Variants in CEP350 observed in about 807,000 individuals in gnomAD.
CEP350 encodes the protein centrosomal protein 350, also known as centrosome-associated protein 350.
CEP350 carries 126 observed loss-of-function variants against 331.8 expected under a neutral mutation model. The observed-to-expected ratio is 0.38, with a 90% CI of 0.33 to 0.44. CEP350 has a LOEUF of 0.44. Ranked by LOEUF, CEP350 falls within the 20% of genes least tolerant of loss-of-function variation. CEP350 has a pLI of 1.00. For synonymous variants in CEP350, 1,200 were observed against 1,259.5 expected (o/e 0.95, Z 1.00); for missense variants, 3,406 against 3,634.6 (o/e 0.94, Z 1.62).
chr1:180,039,794 A>T lies in CEP350; in HGVS notation c.4111-1344A>T, dbSNP rs549717255. On this transcript the variant is annotated intron_variant, in intron 17 of 37. Coordinates refer to ENST00000367607, the MANE Select transcript of CEP350 (RefSeq NM_014810.5). Reference sequence around the variant, plus strand: ...TTAGAATCAGTTTGTTAGTTTCAACAACAACAACAACAAAAAGCCTGGTAG... The same window carrying T: ...TTAGAATCAGTTTGTTAGTTTCAACTACAACAACAACAAAAAGCCTGGTAG... 2.0e-5 allele frequency among the ~76,000 whole-genome samples: 3 copies of T among 152,220 alleles called. No individual in the cohort carries two copies. The South Asian group carries it at 6.2e-4, about 32-fold the overall frequency.
At chr1:180,034,227 G>A in intron 16 of CEP350, 145 bp downstream of exon 16, 2 of 1,102,746 alleles carry the variant, frequency 1.8e-6, no homozygotes, top group East Asian at 5.2e-5. Flanking sequence ...AAAACTGCAA[G>A]AAATTAAATA....
intron 14 of CEP350, among the ~76,000 whole-genome samples, chr1:180,027,029 T>C (rs1416659443): frequency 6.6e-6 from 1 of 152,254 alleles, no homozygotes; most frequent in Non-Finnish European, 1.5e-5. Flanking sequence ...GGAACTGCCA[T>C]AATGTTTTCT....
chr1:179,997,157 C>G lies in CEP350; in HGVS notation c.1000C>G (p.Pro334Ala). The change falls in exon 6 of 38, where the codon CCT (proline) becomes GCT (alanine). Residue 334 changes from proline to alanine, a missense_variant. Coordinates refer to ENST00000367607, the MANE Select transcript of CEP350 (RefSeq NM_014810.5). ...AGTCAGAAAAGTGGCAACAGCACCA[C>G]CTGCTCCAGCATATAAAGGTTTGTA... ...AKVRKVATAP[P>A]APAYKGFNPS... 6.2e-7 allele frequency: 1 copy of G among 1,613,246 alleles called. No individual in the cohort carries two copies. Among genetic ancestry groups the G allele is most frequent in the Non-Finnish European group, 8.5e-7 (1 of 1,179,492 alleles).
intron 21 of CEP350, among the ~76,000 whole-genome samples, chr1:180,047,273 G>A (rs1161233263): frequency 1.3e-5 from 2 of 152,166 alleles, no homozygotes; most frequent in Non-Finnish European, 2.9e-5. Flanking sequence ...GTAAGGAGGA[G>A]AAAGCTTGGG....
At chr1:180,037,719 G>T (rs1054240209) in intron 17 of CEP350, among the ~76,000 whole-genome samples, 1 of 151,872 alleles carries the variant, frequency 6.6e-6, no homozygotes, top group Non-Finnish European at 1.5e-5. Flanking sequence ...GCACGATCTC[G>T]GCTCACTGCA....
chr1:180,062,257 C>T lies in CEP350; in HGVS notation c.5300C>T (p.Ala1767Val). The stretch of plus-strand genomic sequence containing the variant: ...CGTCTTCAAGAAGCCAATAAGGCAG[C>T]TCGGAAGGAAAGACAGCTGATTCTT... ...IKRLQEANKA[A>V]RKERQLILKQ... The change falls in exon 26 of 38, where the codon GCT becomes GTT. Residue 1767 changes from alanine to valine, a missense_variant. Physicochemically the swap from Ala to Val is moderately conservative, Grantham distance 64 (BLOSUM62 0). Around this residue, in one of 5 missense-constraint regions of CEP350, gnomAD observed 1,415 missense variants for 1,512.3 expected, o/e 0.94. Transcript: ENST00000367607. 6.2e-7 allele frequency: 1 copy of T among 1,609,890 alleles called. No homozygotes were observed. The highest frequency in any genetic ancestry group is 8.5e-7 in the Non-Finnish European group (1 of 1,177,946).
intron 27 of CEP350, among the ~76,000 whole-genome samples, chr1:180,070,888 G>A (rs1558139812): frequency 1.3e-5 from 2 of 152,144 alleles, no homozygotes; most frequent in Admixed American, 6.5e-5. Context: ...CGTGGCTCAC[G>A]CCTGTAATCC....
At position 179,998,317 on chromosome 1, in the gene CEP350, T is replaced by TTC. The variant is rs1433474283; in HGVS notation, c.1018+1143_1018+1144insCT. 1.2e-3 allele frequency among the ~76,000 whole-genome samples: 175 copies of TTC among 148,656 alleles called. 1 individual carries two copies. The highest frequency in any genetic ancestry group is 4.1e-3 in the African/African-American group (167 of 40,602). Reference sequence around the variant, plus strand: ...TCTTCTATTTTCTTTTTTTTTTTTTTTTTTTTTTTAAGACAGAGTCTCACT... The same window carrying TTC: ...TCTTCTATTTTCTTTTTTTTTTTTTTTCTTTTTTTTTAAGACAGAGTCTCACT... On this transcript the variant is annotated intron_variant, in intron 6 of 37. Transcript: ENST00000367607.
chr1:180,001,888 ACTT>A (rs923651693), intron 6 of CEP350, among the ~76,000 whole-genome samples: 2 of 152,138 alleles, frequency 1.3e-5, no homozygotes, highest in Non-Finnish European at 2.9e-5. Flanking sequence ...GTGCTTCTCC[ACTT>A]CTAGTCTTTT....
At chr1:179,965,622 T>TC (rs1340935557) in intron 1 of CEP350, among the ~76,000 whole-genome samples, 2 of 141,608 alleles carry the variant, frequency 1.4e-5, no homozygotes, top group Non-Finnish European at 1.5e-5. Flanking sequence ...TTTCTTTTTT[T>TC]TTTTTTTTTT....
Position 179,986,604 on chromosome 1 carries a change from G to A in CEP350, c.73+350G>A, listed in dbSNP as rs566556070. Among the ~76,000 whole-genome samples the A allele has an allele frequency of 7.4e-4, 113 of 152,176 alleles. 1 individual carries two copies. The highest frequency in any genetic ancestry group is 2.7e-3 in the African/African-American group (111 of 41,536). On this transcript the variant is annotated intron_variant, in intron 2 of 37. Transcript: ENST00000367607. The stretch of plus-strand genomic sequence containing the variant: ...CTCATTGAATTCTTTTTAAAATAAT[G>A]CATTAGAGGTAATTTTAAGGCATTG...
chr1:180,097,475 G>A (rs1480901259), intron 36 of CEP350, among the ~76,000 whole-genome samples: 4 of 152,118 alleles, frequency 2.6e-5, no homozygotes, highest in African/African-American at 4.8e-5. Flanking sequence ...TGGAATTTCC[G>A]GGCACGTTGG....
At chr1:179,992,858 G>A (rs1351082829) in intron 5 of CEP350, among the ~76,000 whole-genome samples, 1 of 152,064 alleles carries the variant, frequency 6.6e-6, no homozygotes, top group Non-Finnish European at 1.5e-5. Context: ...GTGCATTCAT[G>A]CTCTTATAAT....
intron 27 of CEP350, among the ~76,000 whole-genome samples, chr1:180,065,937 G>T (rs150283166): frequency 1.3e-5 from 2 of 151,776 alleles, no homozygotes; most frequent in Non-Finnish European, 2.9e-5. Flanking sequence ...ATATCCTGAC[G>T]TTTCATCCTG....
chr1:179,996,818 A>G lies in CEP350; in HGVS notation c.661A>G (p.Thr221Ala). The change falls in exon 6 of 38, where the codon ACT becomes GCT. Residue 221 changes from threonine (T) to alanine (A), a missense_variant. By Grantham distance (58) the Thr-to-Ala change is moderately conservative. Transcript: ENST00000367607. ...CLIRMGASMR[T>A]EEEMPNRTKG... ...GATTAGGATGGGAGCTTCTATGAGA[A>G]CTGAGGAAGAAATGCCTAACAGAAC... The G allele has an allele frequency of 1.9e-6, 3 of 1,613,708 alleles. No individual in the cohort carries two copies. The highest frequency in any genetic ancestry group is 2.5e-6 in the Non-Finnish European group (3 of 1,179,700).
Position 180,094,165 on chromosome 1 carries a change from A to G in CEP350, c.8060A>G (p.Asp2687Gly). Residue 2687 changes from aspartate (D) to glycine (G), a missense_variant, in exon 34 of 38, where the codon GAC becomes GGC. Transcript: ENST00000367607. ...VSIAAEDDTL[D>G]NTFSEELEKQ... The stretch of plus-strand genomic sequence containing the variant: ...ATCGCTGCAGAAGATGACACTTTAG[A>G]CAATACCTTTTCCGAAGAATTGGAG... 1 of 1,613,618 alleles carries G rather than the reference A, an allele frequency of 6.2e-7. No homozygotes were observed. Among genetic ancestry groups the G allele is most frequent in the Non-Finnish European group, 8.5e-7 (1 of 1,179,704 alleles).
At chr1:180,011,464 G>A (rs186652253) in intron 8 of CEP350, among the ~76,000 whole-genome samples, 42 of 152,120 alleles carry the variant, frequency 2.8e-4, no homozygotes. Context: ...TTTTTGAGAT[G>A]GAGTCTTGCT....
intron 1 of CEP350, among the ~76,000 whole-genome samples, chr1:179,970,592 T>C (rs1282870654): frequency 1.3e-5 from 2 of 152,228 alleles, no homozygotes; most frequent in Non-Finnish European, 2.9e-5. Flanking sequence ...AGAACTGAAA[T>C]GTAGCAAAGG....
In CEP350 at chr1:180,078,537, T is replaced by C. The variant is rs909868482; in HGVS notation, c.5842T>C (p.Leu1948=). Residue 1948 remains leucine (L), a synonymous_variant, in exon 29 of 38, where the codon TTA becomes CTA. Coordinates refer to ENST00000367607, the MANE Select transcript of CEP350 (RefSeq NM_014810.5). ...CAGTGAAAGCTCCATTCCAGAAGAA[T>C]TAGGCAGCCCTGCTGTTGAATATGT... The part of the protein sequence containing the change: ...LNSESSIPEE[L]GSPAVEYVPS... 3.1e-6 allele frequency: 5 copies of C among 1,613,568 alleles called. No individual in the cohort carries two copies. The African/African-American group carries it at 6.7e-5, about 22-fold the overall frequency.
Sources: allele counts gnomAD v4.1 joint callset (sites outside exome capture counted in the v4.1 genomes callset), GRCh38; gene constraint gnomAD v4.1.1; regional missense constraint gnomAD v4.1.1; transcripts MANE v1.5; gene names NCBI Gene and HGNC (gene_info 2026-07-23, HGNC 2026-07-21).